Variants in FYN observed in about 807,000 individuals in gnomAD.
The protein encoded by FYN is FYN proto-oncogene, Src family tyrosine kinase.
A neutral mutation model predicts 70.2 loss-of-function variants in FYN; 10 were observed. The ratio of observed to expected loss-of-function variants is 0.14; its 90% CI spans 0.09 to 0.24. The LOEUF (loss-of-function observed/expected upper bound fraction) is 0.24. Among genes scored for constraint, FYN ranks in the 10% least tolerant of loss-of-function variants. The pLI, the probability that FYN is intolerant of heterozygous loss-of-function variation, is 1.00. For synonymous variants in FYN, 236 were observed against 248.6 expected (o/e 0.95, Z 0.48); for missense variants, 319 against 673.1 (o/e 0.47, Z 5.82).
intron 2 of FYN, among the ~76,000 whole-genome samples, chr6:111,808,607 C>T (rs1349680131): frequency 2.0e-4 from 31 of 152,188 alleles, no homozygotes; most frequent in Non-Finnish European, 1.5e-4. Context: ...TGACGTTGTA[C>T]ATAGAAGTCA....
At chr6:111,840,639 G>T (rs1773329138) in intron 2 of FYN, among the ~76,000 whole-genome samples, 1 of 152,108 alleles carries the variant, frequency 6.6e-6, no homozygotes, top group African/African-American at 2.4e-5. Context: ...TTTTGTTGTG[G>T]GCTAAAAGTG....
intron 3 of FYN, among the ~76,000 whole-genome samples, chr6:111,766,119 G>C (rs1395333491): frequency 6.6e-6 from 1 of 152,202 alleles, no homozygotes; most frequent in Non-Finnish European, 1.5e-5. Context: ...AAGCACTTAT[G>C]AGTGTCAGGC....
At chr6:111,803,538 T>G (rs1053398758) in intron 2 of FYN, among the ~76,000 whole-genome samples, 2 of 152,104 alleles carry the variant, frequency 1.3e-5, no homozygotes. Context: ...TGTTTCATAT[T>G]CTCCAATCTG....
intron 3 of FYN, among the ~76,000 whole-genome samples, chr6:111,764,291 G>C (rs1441840015): frequency 7.2e-6 from 1 of 139,352 alleles, no homozygotes; most frequent in Non-Finnish European, 1.5e-5. Flanking sequence ...TATTTAATAA[G>C]AAACCTCTGA....
At chr6:111,665,994 CCTTTT>C (rs959326673) in intron 13 of FYN, among the ~76,000 whole-genome samples, 1 of 139,618 alleles carries the variant, frequency 7.2e-6, no homozygotes, top group African/African-American at 2.7e-5. Flanking sequence ...TCCTTTTTCT[CCTTTT>C]TTTTTTTTTT....
At chr6:111,756,046 A>G (rs1802719108) in intron 3 of FYN, among the ~76,000 whole-genome samples, 1 of 152,134 alleles carries the variant, frequency 6.6e-6, no homozygotes, top group African/African-American at 2.4e-5. Flanking sequence ...AAGATACACT[A>G]GAGAAGATGA....
At chr6:111,847,923 CCATA>C (rs1773577412) in intron 1 of FYN, among the ~76,000 whole-genome samples, 1 of 152,144 alleles carries the variant, frequency 6.6e-6, no homozygotes. Context: ...CCTTAGCAAC[CCATA>C]TCATCTCACC....
rs1177749362 is a variant in FYN at position 111,660,515 on chromosome 6, T to C, written c.*1224A>G. 1 of 152,218 alleles carries C rather than the reference T, an allele frequency of 6.6e-6. No homozygotes were observed. Among genetic ancestry groups the C allele is most frequent in the Non-Finnish European group, 1.5e-5 (1 of 68,040 alleles). 9.4% of individuals were successfully genotyped at this position (152,218 alleles called of 1,614,324 possible). A position where few individuals can be genotyped will look rare whatever the true frequency, so the allele number is the denominator to read the frequency against. Reference sequence around the variant, plus strand: ...GTTGTTAAACATATGTAATTTAAGGTTGGTACAAACAGCAACTAAAAATGT... The same window carrying C: ...GTTGTTAAACATATGTAATTTAAGGCTGGTACAAACAGCAACTAAAAATGT... On this transcript the variant is annotated 3_prime_UTR_variant, in exon 14 of 14. Coordinates refer to ENST00000354650, the MANE Select transcript of FYN (RefSeq NM_002037.5).
intron 2 of FYN, among the ~76,000 whole-genome samples, chr6:111,818,910 T>C (rs753992020): frequency 6.6e-6 from 1 of 152,164 alleles, no homozygotes; most frequent in African/African-American, 2.4e-5. Flanking sequence ...TAACTATGTG[T>C]CTCTTGGACC....
chr6:111,665,852 G>A (rs1797976124), intron 13 of FYN, among the ~76,000 whole-genome samples: 2 of 151,972 alleles, frequency 1.3e-5, no homozygotes, highest in South Asian at 4.2e-4. Context: ...TGAATTCTTG[G>A]CTTCAAGTGA....
chr6:111,698,396 G>A (rs1799673787), intron 9 of FYN, among the ~76,000 whole-genome samples: 1 of 152,158 alleles, frequency 6.6e-6, no homozygotes, highest in Non-Finnish European at 1.5e-5. Context: ...GCCTCCCAAA[G>A]TGCTGGGATT....
intron 2 of FYN, among the ~76,000 whole-genome samples, chr6:111,787,611 C>T (rs894687443): frequency 1.3e-5 from 2 of 152,204 alleles, no homozygotes; most frequent in Admixed American, 1.3e-4. Flanking sequence ...TGTACAGGGC[C>T]TGGTATGCAG....
chr6:111,696,516 T>G (rs1799581959), intron 9 of FYN, 60 bp from the exon 10 acceptor site: 13 of 1,358,614 alleles, frequency 9.6e-6, no homozygotes, highest in Non-Finnish European at 1.3e-5. Flanking sequence ...GAAAAAGGTT[T>G]TGACCACCAG....
chr6:111,834,150 AACTT>A (rs1203843537), intron 2 of FYN, among the ~76,000 whole-genome samples: 1 of 152,232 alleles, frequency 6.6e-6, no homozygotes, highest in Non-Finnish European at 1.5e-5. Flanking sequence ...TAGGGAAACA[AACTT>A]ACAGAGAAAA....
At chr6:111,773,702 A>T (rs1343187735) in intron 3 of FYN, among the ~76,000 whole-genome samples, 1 of 144,622 alleles carries the variant, frequency 6.9e-6, no homozygotes, top group African/African-American at 2.5e-5. Context: ...CAGGAAAGGA[A>T]AAAAAGATGA....
intron 5 of FYN, among the ~76,000 whole-genome samples, chr6:111,713,494 G>A (rs1357198608): frequency 6.6e-6 from 1 of 152,066 alleles, no homozygotes; most frequent in African/African-American, 2.4e-5. Flanking sequence ...ACCACCGGGA[G>A]CACTCATAGG....
chr6:111,718,474 T>C (rs896628115), intron 4 of FYN, among the ~76,000 whole-genome samples: 3 of 152,128 alleles, frequency 2.0e-5, no homozygotes, highest in Non-Finnish European at 4.4e-5. Context: ...TCTAGTGACT[T>C]TAATGAATGA....
intron 2 of FYN, among the ~76,000 whole-genome samples, chr6:111,838,311 T>C (rs1019254892): frequency 6.6e-6 from 1 of 152,150 alleles, no homozygotes; most frequent in Admixed American, 6.5e-5. Context: ...CTACCAACTT[T>C]CCCTTCCCAT....
chr6:111,769,624 A>T (rs1803365686), intron 3 of FYN, among the ~76,000 whole-genome samples: 1 of 152,198 alleles, frequency 6.6e-6, no homozygotes, highest in South Asian at 2.1e-4. Flanking sequence ...GGTATAAAAA[A>T]CAGACACAAG....
Sources: allele counts gnomAD v4.1 joint callset (sites outside exome capture counted in the v4.1 genomes callset), GRCh38; gene constraint gnomAD v4.1.1; transcripts MANE v1.5; gene names NCBI Gene and HGNC (gene_info 2026-07-23, HGNC 2026-07-21).